Variants in ADGB observed in about 807,000 individuals in gnomAD.
ADGB encodes androglobin, also known as calpain-7-like protein.
In ADGB, 172 loss-of-function variants were observed where a neutral mutation model predicts 210.5. The observed-to-expected ratio is 0.82, with a 90% CI of 0.72 to 0.93. The LOEUF (loss-of-function observed/expected upper bound fraction) is 0.93. Among genes scored for constraint, ADGB ranks in the 40% least tolerant of loss-of-function variants. The pLI is 0.00. For synonymous variants in ADGB, 658 were observed against 662.7 expected (o/e 0.99, Z 0.11); for missense variants, 2,025 against 1,964.8 (o/e 1.03, Z -0.58).
intron 3 of ADGB, among the ~76,000 whole-genome samples, chr6:146,651,878 A>G (rs2114879935): frequency 6.6e-6 from 1 of 152,274 alleles, no homozygotes; most frequent in Middle Eastern, 3.4e-3. Context: ...TTCAAAATGC[A>G]TTTTGAAGCT....
In ADGB at chr6:146,667,980, G is replaced by A. The variant is rs568692671; in HGVS notation, c.839+1078G>A. 2.6e-5 allele frequency among the ~76,000 whole-genome samples: 4 copies of A among 152,140 alleles called. No homozygotes were observed. In the East Asian group the frequency reaches 5.8e-4, roughly 22 times the overall value. ...CCAAAGCCCACAGTCTTTCTTTCAT[G>A]TGATTCTAGATATAGAGAAATTGCT... On this transcript the variant is annotated intron_variant, in intron 7 of 35. Coordinates refer to ENST00000397944, the MANE Select transcript of ADGB (RefSeq NM_024694.4).
chr6:146,645,750 T>C (rs573896535), intron 3 of ADGB, among the ~76,000 whole-genome samples: 1 of 152,112 alleles, frequency 6.6e-6, no homozygotes, highest in Admixed American at 6.6e-5. Flanking sequence ...TCTTACTAGT[T>C]GAGTAAATCA....
intron 3 of ADGB, among the ~76,000 whole-genome samples, chr6:146,646,425 C>G (rs536180099): frequency 1.3e-5 from 2 of 152,140 alleles, no homozygotes; most frequent in African/African-American, 4.8e-5. Flanking sequence ...TATTAAAGCC[C>G]TCTCAAGTAA....
At chr6:146,746,468 G>T (rs1777239738) in intron 26 of ADGB, among the ~76,000 whole-genome samples, 2 of 151,990 alleles carry the variant, frequency 1.3e-5, no homozygotes, top group African/African-American at 2.4e-5. Context: ...TCATCTATGT[G>T]CAGTGTTCTC....
chr6:146,765,711 C>T (rs1336354150), intron 28 of ADGB, among the ~76,000 whole-genome samples: 1 of 151,358 alleles, frequency 6.6e-6, no homozygotes, highest in Non-Finnish European at 1.5e-5. Context: ...TCTAAAATAG[C>T]ATTTGTTTAC....
chr6:146,655,908 C>T (rs1196068983), intron 4 of ADGB, among the ~76,000 whole-genome samples: 3 of 151,918 alleles, frequency 2.0e-5, no homozygotes, highest in Admixed American at 6.6e-5. Context: ...ATTTAATTTC[C>T]TTATAAACCA....
At chr6:146,730,877 T>C (rs1357996407) in intron 20 of ADGB, among the ~76,000 whole-genome samples, 1 of 152,096 alleles carries the variant, frequency 6.6e-6, no homozygotes, top group Non-Finnish European at 1.5e-5. Context: ...AGGCAGAGGT[T>C]GCAGTAAGCT....
chr6:146,787,068 G>A (rs1169678523), intron 32 of ADGB, among the ~76,000 whole-genome samples: 1 of 152,114 alleles, frequency 6.6e-6, no homozygotes, highest in Non-Finnish European at 1.5e-5. Flanking sequence ...ATATCAAGTG[G>A]GGAAGGATTC....
chr6:146,736,490 A>G lies in ADGB; in HGVS notation c.2795-8A>G. 6.7e-7 allele frequency: 1 copy of G among 1,493,598 alleles called. No homozygotes were observed. Among genetic ancestry groups the G allele is most frequent in the Non-Finnish European group, 9.0e-7 (1 of 1,110,874 alleles). 92.5% of individuals were successfully genotyped at this position (1,493,598 alleles called of 1,614,324 possible). A position where few individuals can be genotyped will look rare whatever the true frequency, so the allele number is the denominator to read the frequency against. The stretch of plus-strand genomic sequence containing the variant: ...CTTAACGTTTTTATTATTTATTATT[A>G]TTTTTAGACACAAAAGAAAATATCA... On this transcript the variant is annotated splice_polypyrimidine_tract_variant and splice_region_variant and intron_variant, in intron 22 of 35. Coordinates refer to ENST00000397944, the MANE Select transcript of ADGB (RefSeq NM_024694.4).
At chr6:146,709,455 G>A (rs892061613) in intron 13 of ADGB, among the ~76,000 whole-genome samples, 1 of 152,188 alleles carries the variant, frequency 6.6e-6, no homozygotes, top group South Asian at 2.1e-4. Flanking sequence ...GAACAGGCTG[G>A]TCTAGTGCCT....
chr6:146,740,270 CTAGA>C (rs1777145404), intron 23 of ADGB, among the ~76,000 whole-genome samples, 185 bp from the exon 24 acceptor site: 1 of 152,140 alleles, frequency 6.6e-6, no homozygotes, highest in Non-Finnish European at 1.5e-5. Flanking sequence ...TGTGATTAAC[CTAGA>C]ATGGGTCCCC....
At chr6:146,731,744 G>A (rs1312517780) in intron 20 of ADGB, among the ~76,000 whole-genome samples, 1 of 151,720 alleles carries the variant, frequency 6.6e-6, no homozygotes, top group Non-Finnish European at 1.5e-5. Context: ...GAGGCCCAAA[G>A]CAACCACACA....
In ADGB at chr6:146,741,170, A is replaced by T; in HGVS notation, c.3076A>T (p.Thr1026Ser). The T allele has an allele frequency of 6.5e-7, 1 of 1,550,150 alleles. No individual in the cohort carries two copies. Among genetic ancestry groups the T allele is most frequent in the Non-Finnish European group, 8.7e-7 (1 of 1,146,250 alleles). ...DMILVPKVYT[T>S]LPICILHIVN... ...GATTTTGGTTCCCAAAGTATATACT[A>T]CACTTCCAATCTGTATCCTACACAT... Residue 1026 changes from threonine (T) to serine (S), a missense_variant, in exon 25 of 36, where the codon ACA (threonine) becomes TCA (serine). Transcript: ENST00000397944.
chr6:146,764,057 C>A lies in ADGB; in HGVS notation c.3707C>A (p.Thr1236Asn), dbSNP rs887339587. Residue 1236 changes from threonine (T) to asparagine (N), a missense_variant, in exon 28 of 36, where the codon ACC becomes AAC. Transcript: ENST00000397944. ...IGLPLVEEET[T>N]STPTREDSSS... ...CTACCCCTTGTGGAGGAGGAAACTA[C>A]CAGTACACCCACTAGAGAAGACAGT... 8 of 1,551,108 alleles carry A rather than the reference C, an allele frequency of 5.2e-6. No individual in the cohort carries two copies. In the African/African-American group the frequency reaches 5.5e-5, roughly 11 times the overall value.
chr6:146,757,386 T>C (rs1053510864), intron 27 of ADGB, among the ~76,000 whole-genome samples: 3 of 151,948 alleles, frequency 2.0e-5, no homozygotes, highest in Non-Finnish European at 2.9e-5. Flanking sequence ...AATATATTTA[T>C]TAAATGCTTA....
chr6:146,762,750 C>G (rs1289115448), intron 27 of ADGB, among the ~76,000 whole-genome samples: 1 of 152,070 alleles, frequency 6.6e-6, no homozygotes, highest in Non-Finnish European at 1.5e-5. Flanking sequence ...TAGGGTAGCT[C>G]TACTCTTAAA....
chr6:146,660,906 G>C (rs950962286), intron 5 of ADGB, among the ~76,000 whole-genome samples: 10 of 151,704 alleles, frequency 6.6e-5, no homozygotes, highest in Non-Finnish European at 8.8e-5. Flanking sequence ...TTCTTTGTTT[G>C]TTCTTTGTTA....
At chr6:146,626,272 C>T (rs968733252) in intron 1 of ADGB, among the ~76,000 whole-genome samples, 5 of 151,774 alleles carry the variant, frequency 3.3e-5, no homozygotes, top group East Asian at 3.9e-4. Context: ...TTACATCATC[C>T]GTTTATGTAA....
chr6:146,733,964 G>A lies in ADGB; in HGVS notation c.2728G>A (p.Ala910Thr), dbSNP rs1187769131. Residue 910 changes from alanine to threonine, a missense_variant, in exon 22 of 36, where the codon GCA (alanine) becomes ACA (threonine). Coordinates refer to ENST00000397944, the MANE Select transcript of ADGB (RefSeq NM_024694.4). ...GTATTCTGCTGAGGAAGTAGCAGCA[G>A]CAATTAAAATTCAAGCCATGTGGAG... ...KEYSAEEVAA[A>T]IKIQAMWRGT... The A allele has an allele frequency of 2.6e-6, 4 of 1,551,450 alleles. No individual in the cohort carries two copies. Among genetic ancestry groups the A allele is most frequent in the Non-Finnish European group, 3.5e-6 (4 of 1,146,906 alleles).
Sources: gnomAD v4.1 joint callset for allele counts (sites outside exome capture counted in the v4.1 genomes callset) on GRCh38, gnomAD v4.1.1 for gene constraint, MANE v1.5 for transcripts, NCBI Gene and HGNC (gene_info 2026-07-23, HGNC 2026-07-21) for gene names.